The following AGBL1 variants were observed in gnomAD, a reference collection of about 807,000 sequenced individuals.
AGBL1 encodes AGBL carboxypeptidase 1, also known as cytosolic carboxypeptidase 4.
Under a neutral mutation model 118.9 loss-of-function variants are expected in AGBL1, and 130 were observed. The ratio of observed to expected loss-of-function variants is 1.09; its 90% confidence interval spans 0.95 to 1.26. The LOEUF (loss-of-function observed/expected upper bound fraction) is 1.26, where lower values mean the gene tolerates loss of function less well. Ranked by LOEUF, AGBL1 falls within the 50% of genes most tolerant of loss-of-function variation. The pLI is 0.00. For synonymous variants in AGBL1, 555 were observed against 478.9 expected (o/e 1.16, Z -2.08); for missense variants, 1,584 against 1,298.1 (o/e 1.22, Z -3.38).
At chr15:86,924,357 G>T (rs1596639466) in intron 23 of AGBL1, among the ~76,000 whole-genome samples, 1 of 152,350 alleles carries the variant, frequency 6.6e-6, no homozygotes, top group African/African-American at 2.4e-5. Flanking sequence ...TTAGCAGAAT[G>T]CTTTGAGGCT....
rs183972420 is a variant in AGBL1, at chr15:87,021,522, G to A, written c.3324-7303G>A. On this transcript the variant is annotated intron_variant, in intron 24 of 24. Coordinates refer to the AGBL1 transcript ENST00000441037. ...AATCTAATTAAACTAAAGAGCTTCT[G>A]CACAGCAAATGCAACTCTCATCAGA... 2.0e-5 allele frequency among the ~76,000 whole-genome samples: 3 copies of A among 152,254 alleles called. No individual in the cohort carries two copies. The East Asian group carries it at 5.8e-4, about 29-fold the overall frequency.
At chr15:86,828,730 T>C (rs991203365) in intron 22 of AGBL1, among the ~76,000 whole-genome samples, 1 of 152,100 alleles carries the variant, frequency 6.6e-6, no homozygotes, top group African/African-American at 2.4e-5. Flanking sequence ...AATACATTTG[T>C]ATTGTTTTAA....
At chr15:86,454,794 T>G (rs527464036) in intron 18 of AGBL1, among the ~76,000 whole-genome samples, 1 of 152,172 alleles carries the variant, frequency 6.6e-6, no homozygotes, top group Non-Finnish European at 1.5e-5. Flanking sequence ...ATTTTATATC[T>G]TGACTGTGAG....
Position 86,143,802 on chromosome 15 carries a change from C to T in AGBL1, c.219C>T (p.Ile73=). 1 of 1,613,898 alleles carries T rather than the reference C, an allele frequency of 6.2e-7. No individual in the cohort carries two copies. Among genetic ancestry groups the T allele is most frequent in the Non-Finnish European group, 8.5e-7 (1 of 1,179,810 alleles). Residue 73 remains isoleucine (I), a synonymous_variant, in exon 3 of 23, where the codon ATC becomes ATT. Transcript: ENST00000614907. The part of the protein sequence containing the change: ...TARTAPPDYD[I]LLPLFRLLAK... The stretch of plus-strand genomic sequence containing the variant: ...GGACAGCTCCTCCAGACTATGACAT[C>T]CTCCTGCCTCTCTTCCGGCTGCTGG...
chr15:86,506,879 G>A (rs2082983711), intron 18 of AGBL1, among the ~76,000 whole-genome samples: 1 of 151,878 alleles, frequency 6.6e-6, no homozygotes, highest in African/African-American at 2.4e-5. Flanking sequence ...AGGAAAGCAG[G>A]TATCATATCA....
chr15:86,699,677 C>T lies in AGBL1; in HGVS notation c.3158+25241C>T, dbSNP rs184208306. ...ACTTTGGGCAAGAATACCACAGGGA[C>T]GGTGTTTTTGTCTTTATTAGTGCTT... is the stretch of plus-strand genomic sequence containing the variant. On this transcript the variant is annotated intron_variant, in intron 22 of 22. Coordinates refer to ENST00000614907, the MANE Select transcript of AGBL1 (RefSeq NM_001386094.1). Among the ~76,000 whole-genome samples, 114 of 152,100 alleles carry T rather than the reference C, an allele frequency of 7.5e-4. 1 individual carries two copies. The highest frequency in any genetic ancestry group is 5.9e-4 in the Non-Finnish European group (40 of 67,964).
chr15:86,762,412 C>T (rs60174887), intron 22 of AGBL1, among the ~76,000 whole-genome samples: 31,396 of 151,800 alleles, frequency 0.21, 3,672 homozygotes, highest in East Asian at 0.34. Flanking sequence ...AAAAGATGAG[C>T]GTCCTAACAA....
intron 16 of AGBL1, among the ~76,000 whole-genome samples, chr15:86,282,530 T>G (rs1156717592): frequency 6.6e-6 from 1 of 152,204 alleles, no homozygotes; most frequent in Non-Finnish European, 1.5e-5. Flanking sequence ...TACTTAAAAG[T>G]GACAAATGTG....
chr15:86,413,483 C>T (rs1596083887), intron 18 of AGBL1, among the ~76,000 whole-genome samples: 1 of 152,246 alleles, frequency 6.6e-6, no homozygotes, highest in East Asian at 1.9e-4. Flanking sequence ...ATTTACATTC[C>T]TATCAACAGT....
intron 1 of AGBL1, among the ~76,000 whole-genome samples, chr15:86,097,291 G>T (rs1026326838): frequency 6.6e-6 from 1 of 152,130 alleles, no homozygotes; most frequent in African/African-American, 2.4e-5. Flanking sequence ...CCATCACTGA[G>T]TATTTGTTGT....
At position 86,791,575 on chromosome 15, in the gene AGBL1, T is replaced by C. The variant is rs190656877; in HGVS notation, c.3159-115512T>C. On this transcript the variant is annotated intron_variant, in intron 22 of 22. Coordinates refer to ENST00000614907, the MANE Select transcript of AGBL1 (RefSeq NM_001386094.1). ...CACAGAAATGTTGCCTACCTTCACA[T>C]TGCTTTTCTACAAGCTAATGTCATT... is the stretch of plus-strand genomic sequence containing the variant. Among the ~76,000 whole-genome samples the C allele has an allele frequency of 9.3e-3, 1,413 of 152,170 alleles. 73 individuals are homozygous for C. Among genetic ancestry groups the C allele is most frequent in the Admixed American group, 0.083 (1,266 of 15,268 alleles).
rs1236735126 is a variant in AGBL1, at chr15:86,912,564, C to T, written c.*5270C>T. On this transcript the variant is annotated 3_prime_UTR_variant, in exon 23 of 23. Coordinates refer to ENST00000614907, the MANE Select transcript of AGBL1 (RefSeq NM_001386094.1). ...AAGAATATTTGAAATTAACCTGCTC[C>T]CTGAGTTACAAGCTCACCTTGAGGG... is the stretch of plus-strand genomic sequence containing the variant. 1 of 151,978 alleles carries T rather than the reference C, an allele frequency of 6.6e-6. No individual in the cohort carries two copies. Among genetic ancestry groups the T allele is most frequent in the African/African-American group, 2.4e-5 (1 of 41,276 alleles). 9.4% of individuals were successfully genotyped at this position (151,978 alleles called of 1,614,324 possible).
chr15:86,621,357 C>T (rs1431399605), intron 21 of AGBL1, among the ~76,000 whole-genome samples: 1 of 152,196 alleles, frequency 6.6e-6, no homozygotes, highest in Non-Finnish European at 1.5e-5. Context: ...GATACTGTAA[C>T]AAATTATTAT....
intron 20 of AGBL1, among the ~76,000 whole-genome samples, chr15:86,547,253 T>G (rs1311551642): frequency 6.6e-6 from 1 of 152,140 alleles, no homozygotes; most frequent in East Asian, 1.9e-4. Context: ...TCTGGGCAGC[T>G]CCTGTGGACC....
At chr15:86,219,991 G>A (rs938705736) in intron 5 of AGBL1, among the ~76,000 whole-genome samples, 4 of 119,218 alleles carry the variant, frequency 3.4e-5, no homozygotes, top group African/African-American at 9.6e-5. Context: ...TCACTCTGTT[G>A]CCCGGGCTGG....
intron 22 of AGBL1, among the ~76,000 whole-genome samples, chr15:86,843,926 C>G (rs916047438): frequency 6.6e-6 from 1 of 152,186 alleles, no homozygotes; most frequent in African/African-American, 2.4e-5. Flanking sequence ...CAGACAACTA[C>G]TAATCTTTAC....
At chr15:86,749,349 C>T (rs1450000210) in intron 22 of AGBL1, among the ~76,000 whole-genome samples, 3 of 152,072 alleles carry the variant, frequency 2.0e-5, no homozygotes, top group African/African-American at 4.8e-5. Context: ...GTGAGTTTTG[C>T]ACATTGATTT....
chr15:86,770,283 C>T (rs537475677), intron 22 of AGBL1, among the ~76,000 whole-genome samples: 1 of 152,042 alleles, frequency 6.6e-6, no homozygotes, highest in East Asian at 1.9e-4. Flanking sequence ...AAATAACTAT[C>T]ACAGTGCAGT....
chr15:86,269,735 C>T (rs2079127600), intron 13 of AGBL1, among the ~76,000 whole-genome samples, 184 bp from the exon 14 acceptor site: 1 of 152,202 alleles, frequency 6.6e-6, no homozygotes, highest in Non-Finnish European at 1.5e-5. Context: ...CCCCTCACCT[C>T]CATGAATTTC....
Sources: allele counts gnomAD v4.1 joint callset (sites outside exome capture counted in the v4.1 genomes callset), GRCh38; gene constraint gnomAD v4.1.1; transcripts MANE v1.5; gene names NCBI Gene and HGNC (gene_info 2026-07-23, HGNC 2026-07-21).